The following HTR1F variants were observed in gnomAD, a reference collection of about 807,000 sequenced individuals.
HTR1F encodes the protein 5-hydroxytryptamine (serotonin) receptor 1F, G protein-coupled.
Under a neutral mutation model 24.0 loss-of-function variants are expected in HTR1F, and 17 were observed. The observed-to-expected ratio is 0.71, with a 90% CI of 0.48 to 1.06. The LOEUF is 1.06. Ranked by LOEUF, HTR1F falls within the 50% of genes least tolerant of loss-of-function variation. The pLI is 0.00. For synonymous variants in HTR1F, 186 were observed against 156.8 expected (o/e 1.19, Z -1.39); for missense variants, 391 against 427.8 (o/e 0.91, Z 0.76).
chr3:87,871,271 A>C (rs2107254578), intron 2 of HTR1F, among the ~76,000 whole-genome samples: 1 of 152,138 alleles, frequency 6.6e-6, no homozygotes, highest in African/African-American at 2.4e-5. Context: ...ATAAATGAAA[A>C]AATTGACTAG....
At chr3:87,848,647 G>C (rs887524475) in intron 2 of HTR1F, among the ~76,000 whole-genome samples, 37 of 151,744 alleles carry the variant, frequency 2.4e-4, no homozygotes, top group African/African-American at 9.0e-4. Flanking sequence ...CATTCAATTA[G>C]GAAAAGAGGA....
At chr3:87,932,282 C>A (rs928813549) in intron 2 of HTR1F, among the ~76,000 whole-genome samples, 2 of 152,120 alleles carry the variant, frequency 1.3e-5, no homozygotes, top group Admixed American at 6.6e-5. Context: ...GTTTTCCCAG[C>A]ACCATTTATT....
intron 2 of HTR1F, among the ~76,000 whole-genome samples, chr3:87,922,416 C>A (rs1704030251): frequency 6.6e-6 from 1 of 151,784 alleles, no homozygotes; most frequent in African/African-American, 2.4e-5. Context: ...AAATATTAAG[C>A]CCCTGTCAGA....
intron 2 of HTR1F, among the ~76,000 whole-genome samples, chr3:87,928,765 C>T (rs188604106): frequency 6.6e-6 from 1 of 152,226 alleles, no homozygotes; most frequent in Non-Finnish European, 1.5e-5. Flanking sequence ...AGAAACTAAG[C>T]AAGACCACTG....
chr3:87,871,117 A>G (rs1705546025), intron 2 of HTR1F, among the ~76,000 whole-genome samples: 1 of 152,048 alleles, frequency 6.6e-6, no homozygotes, highest in Non-Finnish European at 1.5e-5. Context: ...TAAAATAAAT[A>G]AAACTCAGCA....
intron 2 of HTR1F, among the ~76,000 whole-genome samples, chr3:87,876,843 T>C (rs893430369): frequency 2.0e-5 from 3 of 152,152 alleles, no homozygotes; most frequent in African/African-American, 4.8e-5. Flanking sequence ...TAAGGCCCTA[T>C]TCATTCCCCT....
chr3:87,797,510 T>C (rs1309078424), intron 1 of HTR1F, among the ~76,000 whole-genome samples: 2 of 152,046 alleles, frequency 1.3e-5, no homozygotes, highest in Non-Finnish European at 2.9e-5. Context: ...CAGTAGACAA[T>C]AGTAGTTTCC....
chr3:87,976,966 C>A (rs578226030), intron 2 of HTR1F, among the ~76,000 whole-genome samples: 1 of 152,246 alleles, frequency 6.6e-6, no homozygotes, highest in South Asian at 2.1e-4. Flanking sequence ...AAGATCATGA[C>A]CATAAACTTT....
rs533319314 is a variant in HTR1F at position 87,871,180 on chromosome 3, C to T, written c.-43+49056C>T. On this transcript the variant is annotated intron_variant, in intron 2 of 2. Coordinates refer to ENST00000319595, the MANE Select transcript of HTR1F (RefSeq NM_001322209.2). ...AACCTTAAAAATCAGGAAAATAATGCACAAAATGAGAATATCAATAAAGAG... is the reference window on the plus strand; with the variant it reads ...AACCTTAAAAATCAGGAAAATAATGTACAAAATGAGAATATCAATAAAGAG... Among the ~76,000 whole-genome samples, 39 of 151,744 alleles carry T rather than the reference C, an allele frequency of 2.6e-4. 1 individual carries two copies. The South Asian group carries it at 5.0e-3, about 19-fold the overall frequency.
At chr3:87,939,328 A>C (rs1236309749) in intron 2 of HTR1F, among the ~76,000 whole-genome samples, 2 of 152,178 alleles carry the variant, frequency 1.3e-5, no homozygotes, top group African/African-American at 2.4e-5. Context: ...ATTGGCCTGA[A>C]ATTTTCTGTT....
chr3:87,867,237 A>G (rs1432571097), intron 2 of HTR1F, among the ~76,000 whole-genome samples: 1 of 151,846 alleles, frequency 6.6e-6, no homozygotes, highest in Non-Finnish European at 1.5e-5. Flanking sequence ...ATTCTTTGGC[A>G]TTTTCACCCT....
At chr3:87,913,118 C>G (rs1304800382) in intron 2 of HTR1F, among the ~76,000 whole-genome samples, 1 of 151,972 alleles carries the variant, frequency 6.6e-6, no homozygotes, top group Non-Finnish European at 1.5e-5. Context: ...AGCTTCTGCA[C>G]AACAAAAGAA....
In HTR1F at chr3:87,991,662, T is replaced by C; in HGVS notation, c.913T>C (p.Cys305Arg). 2.5e-6 allele frequency: 4 copies of C among 1,613,492 alleles called. No homozygotes were observed. The highest frequency in any genetic ancestry group is 3.4e-6 in the Non-Finnish European group (4 of 1,179,712). Residue 305 changes from cysteine (C) to arginine (R), a missense_variant, in exon 3 of 3, where the codon TGT (cysteine) becomes CGT (arginine). Transcript: ENST00000319595. ...LGLILGAFVICWLPFFVKELV... is the reference protein window; with the variant it reads ...LGLILGAFVIRWLPFFVKELV... ...ATTAATCTTGGGTGCATTTGTAATA[T>C]GTTGGCTTCCTTTTTTTGTAAAAGA... is the stretch of plus-strand genomic sequence containing the variant.
intron 1 of HTR1F, chr3:87,793,696 C>G (rs1051648676): frequency 6.6e-6 from 1 of 152,138 alleles, no homozygotes; most frequent in Non-Finnish European, 1.5e-5. Context: ...GAGGTTATTT[C>G]AGTTTGCATG....
intron 2 of HTR1F, among the ~76,000 whole-genome samples, chr3:87,881,916 A>G (rs572147223): frequency 6.6e-6 from 1 of 152,340 alleles, no homozygotes; most frequent in Non-Finnish European, 1.5e-5. Context: ...ATCAGAGTGA[A>G]CAGGCAACCC....
intron 2 of HTR1F, among the ~76,000 whole-genome samples, chr3:87,924,962 A>C (rs905413273): frequency 5.3e-5 from 8 of 151,980 alleles, no homozygotes; most frequent in African/African-American, 1.9e-4. Context: ...TAGGTTTACT[A>C]TACTTTCTTA....
At chr3:87,826,020 T>A (rs1465279545) in intron 2 of HTR1F, among the ~76,000 whole-genome samples, 4 of 152,212 alleles carry the variant, frequency 2.6e-5, no homozygotes, top group Admixed American at 2.6e-4. Context: ...CTAAATAAGA[T>A]CATGTGTATT....
rs151143499 is a variant in HTR1F, at chr3:87,930,496, G to T, written c.-42-60212G>T. 3.7e-4 allele frequency among the ~76,000 whole-genome samples: 56 copies of T among 152,220 alleles called. No homozygotes were observed. In the East Asian group the frequency reaches 0.01, roughly 28 times the overall value. On this transcript the variant is annotated intron_variant, in intron 2 of 2. Transcript: ENST00000319595. Reference sequence around the variant, plus strand: ...CTATTGAGAGTTTTTAATGTGAAACGATGTTGAATTTTATCAAAAACCTTT... The same window carrying T: ...CTATTGAGAGTTTTTAATGTGAAACTATGTTGAATTTTATCAAAAACCTTT...
chr3:87,932,049 C>A (rs1352185161), intron 2 of HTR1F, among the ~76,000 whole-genome samples: 1 of 152,108 alleles, frequency 6.6e-6, no homozygotes, highest in Admixed American at 6.6e-5. Context: ...TCTAGTTTAA[C>A]TAGATCCCAT....
Sources: allele counts gnomAD v4.1 joint callset (sites outside exome capture counted in the v4.1 genomes callset), GRCh38; gene constraint gnomAD v4.1.1; transcripts MANE v1.5; gene names NCBI Gene and HGNC (gene_info 2026-07-23, HGNC 2026-07-21).